The following KHDRBS2 variants were observed in gnomAD, a reference collection of about 807,000 sequenced individuals.
KHDRBS2 encodes KH domain-containing, RNA-binding, signal transduction-associated protein 2.
KHDRBS2 carries 26 observed loss-of-function variants against 44.3 expected under a neutral mutation model. The ratio of observed to expected loss-of-function variants is 0.59; its 90% CI spans 0.43 to 0.81. The LOEUF is 0.81. Among genes scored for constraint, KHDRBS2 ranks in the 40% least tolerant of loss-of-function variants. KHDRBS2 has a pLI of 0.00. For synonymous variants in KHDRBS2, 194 were observed against 151.1 expected, an observed-to-expected ratio of 1.28 and a Z score of -2.08; for missense variants, 476 against 433.1, an observed-to-expected ratio of 1.10 and a Z score of -0.88.
intron 7 of KHDRBS2, among the ~76,000 whole-genome samples, chr6:61,719,808 A>C (rs969920627): frequency 2.0e-5 from 3 of 151,910 alleles, no homozygotes; most frequent in Non-Finnish European, 4.4e-5. Context: ...TTTAAGTTTT[A>C]GGGTACATGT....
chr6:61,813,443 T>C (rs1788432518), intron 6 of KHDRBS2, among the ~76,000 whole-genome samples: 1 of 152,160 alleles, frequency 6.6e-6, no homozygotes, highest in Non-Finnish European at 1.5e-5. Flanking sequence ...TTGGTAGGGA[T>C]CAGGCAGGAT....
At chr6:61,801,357 C>T (rs1261652843) in intron 6 of KHDRBS2, among the ~76,000 whole-genome samples, 1 of 151,776 alleles carries the variant, frequency 6.6e-6, no homozygotes, top group Non-Finnish European at 1.5e-5. Flanking sequence ...ACAAGAATTC[C>T]CTAATTAAGG....
intron 5 of KHDRBS2, among the ~76,000 whole-genome samples, chr6:61,896,593 T>C (rs1350730258): frequency 6.6e-6 from 1 of 152,194 alleles, no homozygotes; most frequent in Non-Finnish European, 1.5e-5. Context: ...ATTAACCTCA[T>C]TGTTCTCTCC....
At chr6:62,255,535 A>G (rs1837230621) in intron 1 of KHDRBS2, among the ~76,000 whole-genome samples, 1 of 151,408 alleles carries the variant, frequency 6.6e-6, no homozygotes, top group Non-Finnish European at 1.5e-5. Flanking sequence ...GTTCAAAGGA[A>G]GTAACCATTT....
At chr6:61,562,631 G>A in the KHDRBS2 span, among the ~76,000 whole-genome samples, 28,460 of 151,942 alleles carry the variant, frequency 0.19, 3,038 homozygotes, top group East Asian at 0.29. Flanking sequence ...AGGGACCTCA[G>A]AGTCAATTAT....
At chr6:62,281,338 T>C (rs953406898) in intron 1 of KHDRBS2, among the ~76,000 whole-genome samples, 13 of 152,178 alleles carry the variant, frequency 8.5e-5, no homozygotes, top group African/African-American at 3.1e-4. Context: ...ATAAAAATTA[T>C]TGGCCGGGCA....
the KHDRBS2 span, among the ~76,000 whole-genome samples, chr6:61,626,936 A>G: frequency 1.3e-5 from 2 of 152,190 alleles, no homozygotes; most frequent in South Asian, 2.1e-4. Flanking sequence ...GAGTTACCTC[A>G]AATTCATTCT....
chr6:62,250,070 G>T (rs1177076872), intron 1 of KHDRBS2, among the ~76,000 whole-genome samples: 1 of 151,938 alleles, frequency 6.6e-6, no homozygotes, highest in Non-Finnish European at 1.5e-5. Context: ...ATGATAAATG[G>T]GAACAGTTCT....
chr6:61,673,553 G>C, the KHDRBS2 span, among the ~76,000 whole-genome samples: 4 of 144,550 alleles, frequency 2.8e-5, no homozygotes, highest in Non-Finnish European at 6.1e-5. Flanking sequence ...ATCTCCTTAA[G>C]CTGATAAGCA....
intron 2 of KHDRBS2, among the ~76,000 whole-genome samples, chr6:62,118,649 G>A (rs1806871703): frequency 6.6e-6 from 1 of 152,118 alleles, no homozygotes; most frequent in African/African-American, 2.4e-5. Context: ...ATCTGGGTGG[G>A]CACCATCTAA....
At chr6:62,042,993 T>A (rs1786879068) in intron 3 of KHDRBS2, among the ~76,000 whole-genome samples, 1 of 152,150 alleles carries the variant, frequency 6.6e-6, no homozygotes, top group Non-Finnish European at 1.5e-5. Context: ...ACATAATTTG[T>A]TCACAACATG....
the KHDRBS2 span, among the ~76,000 whole-genome samples, chr6:61,616,818 T>G: frequency 6.6e-6 from 1 of 152,124 alleles, no homozygotes; most frequent in East Asian, 1.9e-4. Context: ...GATTCTCCAG[T>G]TCAGCATTCC....
intron 3 of KHDRBS2, among the ~76,000 whole-genome samples, chr6:62,001,174 A>G (rs1381516994): frequency 6.6e-6 from 1 of 152,220 alleles, no homozygotes; most frequent in East Asian, 1.9e-4. Flanking sequence ...GCAATTTAAG[A>G]GCAAAGTCCT....
chr6:62,102,264 C>T (rs1380180483), intron 2 of KHDRBS2, among the ~76,000 whole-genome samples: 1 of 152,192 alleles, frequency 6.6e-6, no homozygotes, highest in Non-Finnish European at 1.5e-5. Context: ...GTATTAGTCT[C>T]TTCTCACATT....
chr6:62,109,980 T>A (rs1299992392), intron 2 of KHDRBS2, among the ~76,000 whole-genome samples: 1 of 151,922 alleles, frequency 6.6e-6, no homozygotes, highest in African/African-American at 2.4e-5. Context: ...AAATATTTCT[T>A]AGATATGAAA....
chr6:62,209,174 T>C (rs1828580335), intron 1 of KHDRBS2, among the ~76,000 whole-genome samples: 1 of 152,286 alleles, frequency 6.6e-6, no homozygotes, highest in Middle Eastern at 3.4e-3. Flanking sequence ...AATAACCTGA[T>C]TAAAGGGAAC....
Position 61,823,116 on chromosome 6 carries a change from T to C in KHDRBS2, c.810+71519A>G, listed in dbSNP as rs1384335017. On this transcript the variant is annotated intron_variant, in intron 6 of 8. Coordinates refer to ENST00000281156, the MANE Select transcript of KHDRBS2 (RefSeq NM_152688.4). The stretch of plus-strand genomic sequence containing the variant: ...TGTTGGTTGCTGGGTTTTACTGAGT[T>C]AAAGTAAATTCTATGTTTCTGACTA... Among the ~76,000 whole-genome samples the C allele has an allele frequency of 2.6e-5, 4 of 151,988 alleles. No individual in the cohort carries two copies. In the East Asian group the frequency reaches 7.7e-4, roughly 29 times the overall value.
chr6:61,691,085 A>G (rs1767351790), intron 8 of KHDRBS2, among the ~76,000 whole-genome samples: 1 of 152,026 alleles, frequency 6.6e-6, no homozygotes, highest in African/African-American at 2.4e-5. Flanking sequence ...GAACGTTCGT[A>G]TTTTTTTCAA....
intron 2 of KHDRBS2, among the ~76,000 whole-genome samples, chr6:62,124,375 A>C (rs1175224203): frequency 2.6e-5 from 4 of 152,190 alleles, no homozygotes; most frequent in Non-Finnish European, 5.9e-5. Context: ...CCTATTTCCA[A>C]AAACCACTCT....
Sources: allele counts gnomAD v4.1 joint callset (sites outside exome capture counted in the v4.1 genomes callset), GRCh38; gene constraint gnomAD v4.1.1; transcripts MANE v1.5; gene names NCBI Gene and HGNC (gene_info 2026-07-23, HGNC 2026-07-21).